Variants in SOX5 observed in about 807,000 individuals in gnomAD.
SOX5 encodes the protein transcription factor SOX-5.
SOX5 carries 9 observed loss-of-function variants against 92.0 expected under a neutral mutation model. That is an observed-to-expected ratio of 0.10 (90% CI 0.06 to 0.17). The LOEUF (loss-of-function observed/expected upper bound fraction) is 0.17, where lower values mean the gene tolerates loss of function less well. SOX5 is among the 10% of genes least tolerant of loss of function. The probability of loss-of-function intolerance (pLI) is 1.00; values close to 1 mark genes in which losing one functional copy is unlikely to be tolerated. For synonymous variants in SOX5, 344 were observed against 336.3 expected, an observed-to-expected ratio of 1.02 and a Z score of -0.25; for missense variants, 642 against 944.5, an observed-to-expected ratio of 0.68 and a Z score of 4.20.
chr12:24,047,179 T>C (rs1345606158), intron 4 of SOX5, among the ~76,000 whole-genome samples: 1 of 152,164 alleles, frequency 6.6e-6, no homozygotes, highest in East Asian at 1.9e-4. Context: ...GTGTCACTGA[T>C]CACACCATTT....
intron 1 of SOX5, among the ~76,000 whole-genome samples, chr12:24,444,231 A>G (rs1393724896): frequency 6.6e-6 from 1 of 151,982 alleles, no homozygotes; most frequent in African/African-American, 2.4e-5. Context: ...AGAAGAAACT[A>G]GCATTTACTA....
intron 4 of SOX5, among the ~76,000 whole-genome samples, chr12:23,747,214 ATAAATCAG>A (rs1485102726): frequency 2.0e-5 from 3 of 152,132 alleles, no homozygotes; most frequent in Non-Finnish European, 4.4e-5. Flanking sequence ...AGAACATATT[ATAAATCAG>A]TCTCTGTATC....
At chr12:24,057,496 T>C (rs1411054026) in intron 4 of SOX5, among the ~76,000 whole-genome samples, 1 of 152,220 alleles carries the variant, frequency 6.6e-6, no homozygotes, top group Non-Finnish European at 1.5e-5. Context: ...GTGCATGACT[T>C]AGTCTTTTTA....
chr12:24,276,726 T>C (rs578227997), intron 3 of SOX5, among the ~76,000 whole-genome samples: 2 of 152,268 alleles, frequency 1.3e-5, no homozygotes, highest in Non-Finnish European at 2.9e-5. Context: ...GTCAGTAAAT[T>C]AGAAAATATT....
chr12:24,073,837 A>T (rs1399699621), intron 4 of SOX5, among the ~76,000 whole-genome samples: 1 of 152,234 alleles, frequency 6.6e-6, no homozygotes, highest in East Asian at 1.9e-4. Context: ...GAAATTTTAC[A>T]AAACCATGCA....
In SOX5 at chr12:23,860,301, AT is replaced by A. The variant is rs1165876485; in HGVS notation, c.271-14109del. Among the ~76,000 whole-genome samples, 48 of 72,954 alleles carry A rather than the reference AT, an allele frequency of 6.6e-4. No individual in the cohort carries two copies. The East Asian group carries it at 8.1e-3, about 12-fold the overall frequency. The allele number at this position is 72,954 out of a possible 152,430, so 47.9% of individuals were successfully genotyped here. A position where few individuals can be genotyped will look rare whatever the true frequency, so the allele number is the denominator to read the frequency against. On this transcript the variant is annotated intron_variant, in intron 2 of 14. Coordinates refer to ENST00000451604, the MANE Select transcript of SOX5 (RefSeq NM_006940.6). ...ACATGTACCCCCAAACCTAAAATAA[AT>A]TTAAAAAAAAAAAGAATGCTAAAAA... is the stretch of plus-strand genomic sequence containing the variant.
intron 8 of SOX5, among the ~76,000 whole-genome samples, chr12:23,609,564 T>C (rs928416786): frequency 6.6e-6 from 1 of 152,216 alleles, no homozygotes; most frequent in African/African-American, 2.4e-5. Context: ...GATAATACAA[T>C]GTATATGAAG....
chr12:24,222,062 G>A (rs1420320751), intron 3 of SOX5, among the ~76,000 whole-genome samples: 3 of 152,214 alleles, frequency 2.0e-5, no homozygotes, highest in Non-Finnish European at 4.4e-5. Context: ...GTGGAGGTTT[G>A]AGCATAAGTG....
chr12:24,205,870 G>A (rs1957970069), intron 4 of SOX5, among the ~76,000 whole-genome samples: 1 of 152,172 alleles, frequency 6.6e-6, no homozygotes, highest in South Asian at 2.1e-4. Flanking sequence ...TTAAAAGACT[G>A]AAATTTGATT....
chr12:24,093,930 AT>A lies in SOX5; in HGVS notation c.-2+119412del, dbSNP rs199872141. Among the ~76,000 whole-genome samples the A allele has an allele frequency of 1.5e-3, 235 of 152,040 alleles. 1 individual carries two copies. The highest frequency in any genetic ancestry group is 0.015 in the East Asian group (77 of 5,162). Reference sequence around the variant, plus strand: ...TTTTAGGCAATCTGATGAGTTTGAAATTGTGTATCTTTTTTTGTTTGTTTGT... The same window carrying A: ...TTTTAGGCAATCTGATGAGTTTGAAATGTGTATCTTTTTTTGTTTGTTTGT... On this transcript the variant is annotated intron_variant, in intron 4 of 4. Coordinates refer to the SOX5 transcript ENST00000446891.
chr12:23,973,160 CTTTTT>C (rs60609193), intron 4 of SOX5, among the ~76,000 whole-genome samples: 33 of 111,986 alleles, frequency 2.9e-4, no homozygotes, highest in African/African-American at 1.0e-3. Flanking sequence ...TAACTTTTTT[CTTTTT>C]TTTTTTTTTT....
intron 3 of SOX5, among the ~76,000 whole-genome samples, chr12:24,276,470 T>C (rs1944445019): frequency 6.6e-6 from 1 of 152,158 alleles, no homozygotes; most frequent in Non-Finnish European, 1.5e-5. Flanking sequence ...TTTTCAGGTA[T>C]CAACGAAAGG....
At chr12:23,984,175 G>A (rs1949852841) in intron 4 of SOX5, among the ~76,000 whole-genome samples, 1 of 152,094 alleles carries the variant, frequency 6.6e-6, no homozygotes. Flanking sequence ...AAGCATCAGA[G>A]ATATTAATAT....
At chr12:23,883,032 T>A (rs976658578) in intron 2 of SOX5, among the ~76,000 whole-genome samples, 2 of 151,800 alleles carry the variant, frequency 1.3e-5, no homozygotes, top group Non-Finnish European at 2.9e-5. Context: ...ATACAAAAAA[T>A]AAGCCGGGCA....
chr12:24,211,233 A>G (rs1370512883), intron 4 of SOX5, among the ~76,000 whole-genome samples: 2 of 152,200 alleles, frequency 1.3e-5, no homozygotes, highest in Non-Finnish European at 2.9e-5. Context: ...TCCTTATCAA[A>G]GAGCCTTTCC....
chr12:24,119,286 T>C (rs537277750), intron 4 of SOX5, among the ~76,000 whole-genome samples: 3 of 152,100 alleles, frequency 2.0e-5, no homozygotes, highest in Non-Finnish European at 4.4e-5. Flanking sequence ...TGAGTAGAAT[T>C]TTCCCATTTT....
intron 1 of SOX5, among the ~76,000 whole-genome samples, chr12:23,910,893 GTTGCT>G (rs1183862751): frequency 2.0e-5 from 3 of 152,036 alleles, no homozygotes; most frequent in Non-Finnish European, 4.4e-5. Flanking sequence ...ATTATCTATA[GTTGCT>G]TTCAGATCCA....
chr12:23,962,621 ATCCTG>A (rs1273175110), intron 4 of SOX5, among the ~76,000 whole-genome samples: 1 of 152,186 alleles, frequency 6.6e-6, no homozygotes, highest in East Asian at 1.9e-4. Context: ...AATGGCAATA[ATCCTG>A]TCAAATACAA....
chr12:24,286,778 C>T (rs577027924), intron 2 of SOX5, among the ~76,000 whole-genome samples: 5 of 152,266 alleles, frequency 3.3e-5, no homozygotes, highest in Admixed American at 1.3e-4. Flanking sequence ...ATGGCATAAA[C>T]TAAAGGAAGC....
Sources: allele counts gnomAD v4.1 joint callset (sites outside exome capture counted in the v4.1 genomes callset), GRCh38; gene constraint gnomAD v4.1.1; transcripts MANE v1.5; gene names NCBI Gene and HGNC (gene_info 2026-07-23, HGNC 2026-07-21).